ARHGEF4: variants seen among roughly 807,000 people sequenced by gnomAD.
The protein encoded by ARHGEF4 is APC-stimulated guanine nucleotide exchange factor 1.
In ARHGEF4, 119 loss-of-function variants were observed where a neutral mutation model predicts 162.0. That is an observed-to-expected ratio of 0.73 (90% CI 0.63 to 0.86). ARHGEF4 has a LOEUF of 0.86. ARHGEF4 is among the 40% of genes least tolerant of loss of function. The probability of loss-of-function intolerance (pLI) is 0.00; values close to 1 mark genes in which losing one functional copy is unlikely to be tolerated. For synonymous variants in ARHGEF4, 1,014 were observed against 979.9 expected (o/e 1.03, Z -0.65); for missense variants, 2,488 against 2,456.0 (o/e 1.01, Z -0.28).
intron 4 of ARHGEF4, among the ~76,000 whole-genome samples, chr2:131,003,824 A>C (rs919700451): frequency 3.3e-5 from 5 of 152,204 alleles, no homozygotes; most frequent in African/African-American, 1.2e-4. Context: ...GTCTTCTGGG[A>C]AGTAGGCTTT....
chr2:130,986,109 C>A (rs1686478006), intron 4 of ARHGEF4, among the ~76,000 whole-genome samples: 4 of 150,082 alleles, frequency 2.7e-5, no homozygotes, highest in Admixed American at 2.0e-4. Context: ...ATTGTGTGTG[C>A]ATGTAGTGCA....
chr2:131,036,636 G>A (rs559717715), intron 5 of ARHGEF4, among the ~76,000 whole-genome samples: 6 of 152,322 alleles, frequency 3.9e-5, no homozygotes, highest in African/African-American at 1.2e-4. Flanking sequence ...AAGGAAAGGG[G>A]AATGGGGGCA....
chr2:130,927,624 C>G (rs1163759579), intron 2 of ARHGEF4, among the ~76,000 whole-genome samples: 1 of 152,178 alleles, frequency 6.6e-6, no homozygotes, highest in Non-Finnish European at 1.5e-5. Flanking sequence ...TCTGTTGGAG[C>G]TTTTCTGTCT....
intron 6 of ARHGEF4, 80 bp from the exon 7 acceptor site, chr2:131,039,936 G>A (rs528845324): frequency 2.0e-6 from 3 of 1,503,726 alleles, no homozygotes; most frequent in African/African-American, 2.8e-5. Flanking sequence ...TCCGAGGCCC[G>A]GTTCCCGCCG....
chr2:131,039,163 A>C lies in ARHGEF4; in HGVS notation c.4305+131A>C, dbSNP rs1573696213. On this transcript the variant is annotated intron_variant, in intron 6 of 13. Transcript: ENST00000409359. ...CACTGGGTGGTGGGTGTCGGGGCGC[A>C]GTGTCACAGCCTTCCTCCTCCTGGA... The C allele has an allele frequency of 7.0e-6, 9 of 1,280,040 alleles. No homozygotes were observed. The East Asian group carries it at 2.3e-4, about 33-fold the overall frequency. The allele number at this position is 1,280,040 out of a possible 1,614,324, so 79.3% of individuals were successfully genotyped here. A position where few individuals can be genotyped will look rare whatever the true frequency, so the allele number is the denominator to read the frequency against.
intron 4 of ARHGEF4, among the ~76,000 whole-genome samples, chr2:131,022,100 AGTC>A (rs1689168584): frequency 6.6e-6 from 1 of 152,178 alleles, no homozygotes; most frequent in Non-Finnish European, 1.5e-5. Context: ...AAGGGATATT[AGTC>A]TGTAGTCTTC....
chr2:130,967,608 A>C (rs1262725199), intron 4 of ARHGEF4, among the ~76,000 whole-genome samples: 1 of 152,236 alleles, frequency 6.6e-6, no homozygotes, highest in Non-Finnish European at 1.5e-5. Flanking sequence ...CCTCTCCTGC[A>C]GCCACACATT....
chr2:130,843,639 G>A (rs530275907), intron 1 of ARHGEF4, among the ~76,000 whole-genome samples: 3 of 152,326 alleles, frequency 2.0e-5, no homozygotes, highest in South Asian at 2.1e-4. Context: ...CCTCTGCCCC[G>A]TTGGGCTCTC....
At chr2:130,839,127 C>T (rs1680422606) in intron 1 of ARHGEF4, among the ~76,000 whole-genome samples, 2 of 152,150 alleles carry the variant, frequency 1.3e-5, no homozygotes, top group South Asian at 2.1e-4. Flanking sequence ...CTCTGACTGC[C>T]ACAGCAGTCC....
intron 4 of ARHGEF4, among the ~76,000 whole-genome samples, chr2:131,017,120 G>A (rs1312477422): frequency 6.6e-6 from 1 of 152,174 alleles, no homozygotes; most frequent in Non-Finnish European, 1.5e-5. Context: ...GCTGGGCCAT[G>A]TTGTTTTTGT....
intron 1 of ARHGEF4, among the ~76,000 whole-genome samples, chr2:130,875,767 T>C (rs1300774219): frequency 6.6e-6 from 1 of 152,206 alleles, no homozygotes; most frequent in East Asian, 1.9e-4. Context: ...ATTCCGCAAG[T>C]GGATCAAACT....
Position 130,915,837 on chromosome 2 carries a change from CTCA to C in ARHGEF4, c.1896_1898del (p.Ile633del), listed in dbSNP as rs1439138295. 1.1e-5 allele frequency: 17 copies of C among 1,535,208 alleles called. No individual in the cohort carries two copies. The highest frequency in any genetic ancestry group is 1.7e-4 in the Middle Eastern group (1 of 5,934). On this transcript the variant is annotated inframe_deletion, in exon 2 of 14. Transcript: ENST00000409359. Reference sequence around the variant, plus strand: ...CGAGGCCTCGAGGGGCAGGGGCGCCCTCATCATTGTAGCTGTGGAGCAGAAAGG... The same window carrying C: ...CGAGGCCTCGAGGGGCAGGGGCGCCCTCATTGTAGCTGTGGAGCAGAAAGG...
intron 2 of ARHGEF4, among the ~76,000 whole-genome samples, chr2:130,930,568 C>T (rs1454837342): frequency 6.6e-6 from 1 of 152,176 alleles, no homozygotes; most frequent in Non-Finnish European, 1.5e-5. Flanking sequence ...AAGAGTGCTT[C>T]TGCTTCAGTT....
rs1296014137 is a variant in ARHGEF4, at chr2:130,988,889, TATATATATATATAG to T, written c.3986-39054_3986-39041del. ...GTGTGTGTGTATATATATATATATA[TATATATATATATAG>T]AGAGAGAGAGAGAGAGAGAGAGAGA... On this transcript the variant is annotated intron_variant, in intron 4 of 13. Transcript: ENST00000409359. 3.9e-3 allele frequency among the ~76,000 whole-genome samples: 450 copies of T among 116,400 alleles called. 1 individual carries two copies. Among genetic ancestry groups the T allele is most frequent in the African/African-American group, 8.7e-3 (281 of 32,118 alleles). 76.4% of individuals were successfully genotyped at this position (116,400 alleles called of 152,430 possible). A position where few individuals can be genotyped will look rare whatever the true frequency, so the allele number is the denominator to read the frequency against.
At chr2:131,026,815 T>C (rs1558869437) in intron 4 of ARHGEF4, among the ~76,000 whole-genome samples, 1 of 152,172 alleles carries the variant, frequency 6.6e-6, no homozygotes, top group East Asian at 1.9e-4. Flanking sequence ...CTATTTGGTG[T>C]GCCTAGGACC....
At chr2:130,918,804 G>A (rs1332790252) in intron 2 of ARHGEF4, among the ~76,000 whole-genome samples, 29 of 152,242 alleles carry the variant, frequency 1.9e-4, no homozygotes, top group Non-Finnish European at 2.9e-5. Context: ...TCTCTACGCA[G>A]TTAAACACTA....
chr2:130,964,346 C>T (rs1558777746), intron 4 of ARHGEF4: 1 of 722,628 alleles, frequency 1.4e-6, no homozygotes, highest in Non-Finnish European at 1.7e-6. Flanking sequence ...CTTCTCCTCC[C>T]TCACTTTCTG....
At chr2:130,843,807 A>G (rs893415386) in intron 1 of ARHGEF4, among the ~76,000 whole-genome samples, 4 of 152,202 alleles carry the variant, frequency 2.6e-5, no homozygotes, top group Admixed American at 2.6e-4. Flanking sequence ...TCCTCGGGAA[A>G]TGCGCTGAGT....
At chr2:130,853,237 A>T (rs1457761237) in intron 1 of ARHGEF4, among the ~76,000 whole-genome samples, 1 of 152,160 alleles carries the variant, frequency 6.6e-6, no homozygotes, top group African/African-American at 2.4e-5. Context: ...GCACGTGGCC[A>T]GTGATGGATC....
Sources: allele counts gnomAD v4.1 joint callset (sites outside exome capture counted in the v4.1 genomes callset), GRCh38; gene constraint gnomAD v4.1.1; transcripts MANE v1.5; gene names NCBI Gene and HGNC (gene_info 2026-07-23, HGNC 2026-07-21).